The following BEGAIN variants were observed in gnomAD, a reference collection of about 807,000 sequenced individuals.
BEGAIN encodes brain enriched guanylate kinase associated.
A neutral mutation model predicts 35.8 loss-of-function variants in BEGAIN; 19 were observed. That is an observed-to-expected ratio of 0.53 (90% CI 0.37 to 0.78). The LOEUF (loss-of-function observed/expected upper bound fraction) is 0.78, where lower values mean the gene tolerates loss of function less well. Among genes scored for constraint, BEGAIN ranks in the 30% least tolerant of loss-of-function variants. The pLI is 0.00. For synonymous variants in BEGAIN, 462 were observed against 388.6 expected (o/e 1.19, Z -2.22); for missense variants, 795 against 853.6 (o/e 0.93, Z 0.85).
intron 1 of BEGAIN, among the ~76,000 whole-genome samples, chr14:100,585,455 TCCA>T (rs2035424618): frequency 7.1e-6 from 1 of 139,930 alleles, no homozygotes; most frequent in South Asian, 2.5e-4. Context: ...CATCCATCCA[TCCA>T]TTCATCCATC....
intron 2 of BEGAIN, among the ~76,000 whole-genome samples, chr14:100,554,175 G>A (rs1164559443): frequency 5.3e-5 from 8 of 152,284 alleles, no homozygotes; most frequent in Middle Eastern, 6.8e-3. Flanking sequence ...TGAGGACATG[G>A]GAGCCCGGAG....
At chr14:100,577,434 C>T (rs745977066) in intron 1 of BEGAIN, 13 of 399,386 alleles carry the variant, frequency 3.3e-5, no homozygotes, top group Non-Finnish European at 5.3e-5. Flanking sequence ...TGGCCGCCTC[C>T]GAAGAAAGCT....
In BEGAIN at chr14:100,546,822, A is replaced by ACC. The variant is rs1566965116; in HGVS notation, c.72-162_72-161dup. 6 of 551,598 alleles carry ACC rather than the reference A, an allele frequency of 1.1e-5. No homozygotes were observed. In the African/African-American group the frequency reaches 1.2e-4, roughly 11 times the overall value. 34.2% of individuals were successfully genotyped at this position (551,598 alleles called of 1,614,324 possible). ...CACACACACACACACACTCACACAC[A>ACC]CCCAGCCTCCCGGGCGTCACTGAAG... On this transcript the variant is annotated intron_variant, in intron 2 of 6. Coordinates refer to ENST00000554140, the MANE Select transcript of BEGAIN (RefSeq NM_001385089.1).
chr14:100,543,305 T>C (rs993825570), intron 5 of BEGAIN, among the ~76,000 whole-genome samples: 5 of 150,042 alleles, frequency 3.3e-5, no homozygotes, highest in Admixed American at 3.3e-4. Context: ...TTTTTTTTTT[T>C]GTTTTTTTTT....
At chr14:100,580,777 CA>C (rs1000758025) in intron 1 of BEGAIN, among the ~76,000 whole-genome samples, 5 of 152,216 alleles carry the variant, frequency 3.3e-5, no homozygotes, top group African/African-American at 1.2e-4. Context: ...GGGCCTGGCA[CA>C]TAGCAGGTGC....
chr14:100,537,566 G>GGCCCCAT lies in BEGAIN; in HGVS notation c.*402_*403insATGGGGC. On this transcript the variant is annotated 3_prime_UTR_variant, in exon 7 of 7. Coordinates refer to ENST00000554140, the MANE Select transcript of BEGAIN (RefSeq NM_001385089.1). ...TCCTTCCCTTCCCTTCCAAGGGGCA[G>GGCCCCAT]GCCCCACGCACCCTCGCCCAAAAAA... 5.7e-6 allele frequency: 1 copy of GGCCCCAT among 175,686 alleles called. No individual in the cohort carries two copies. The highest frequency in any genetic ancestry group is 5.8e-5 in the Admixed American group (1 of 17,162). The allele number at this position is 175,686 out of a possible 1,614,324, so 10.9% of individuals were successfully genotyped here. A position where few individuals can be genotyped will look rare whatever the true frequency, so the allele number is the denominator to read the frequency against.
At chr14:100,575,296 G>A (rs2139750806) in intron 1 of BEGAIN, among the ~76,000 whole-genome samples, 1 of 152,312 alleles carries the variant, frequency 6.6e-6, no homozygotes, top group Middle Eastern at 3.4e-3. Context: ...AGGAAGGTAC[G>A]AGGCACACAG....
intron 2 of BEGAIN, among the ~76,000 whole-genome samples, chr14:100,564,825 C>A (rs1192122065): frequency 6.6e-6 from 1 of 152,020 alleles, no homozygotes; most frequent in African/African-American, 2.4e-5. Flanking sequence ...ACAGAAGACA[C>A]CCCAGATGTC....
At chr14:100,545,430 G>T (rs932707381) in intron 3 of BEGAIN, 2 of 1,069,772 alleles carry the variant, frequency 1.9e-6, no homozygotes, top group Non-Finnish European at 2.3e-6. Context: ...GGGGTTGACA[G>T]TTCAAATGCA....
Position 100,586,280 on chromosome 14 carries a change from C to T in BEGAIN, c.42+969G>A, listed in dbSNP as rs1403987589. On this transcript the variant is annotated intron_variant, in intron 1 of 6. Transcript: ENST00000554140. The surrounding 1 kb of genome is among the most constrained non-coding windows in gnomAD (Gnocchi z 4.9). ...CCAGAGAGCCAGAGCACTGGGGCCTCCGACGGAGCCTGGCTGTGGAGACCC... is the reference window on the plus strand; with the variant it reads ...CCAGAGAGCCAGAGCACTGGGGCCTTCGACGGAGCCTGGCTGTGGAGACCC... Among the ~76,000 whole-genome samples, 2 of 152,208 alleles carry T rather than the reference C, an allele frequency of 1.3e-5. No homozygotes were observed. Among genetic ancestry groups the T allele is most frequent in the Non-Finnish European group, 2.9e-5 (2 of 68,028 alleles).
intron 2 of BEGAIN, chr14:100,549,680 G>A (rs1017837085): frequency 2.0e-5 from 3 of 152,308 alleles, no homozygotes; most frequent in African/African-American, 7.2e-5. Context: ...CAGGGCTGTT[G>A]CTGGTCCACA....
chr14:100,552,515 C>T (rs923106866), intron 2 of BEGAIN, among the ~76,000 whole-genome samples: 34 of 152,230 alleles, frequency 2.2e-4, no homozygotes, highest in African/African-American at 7.5e-4. Context: ...TGGGCCCTGC[C>T]GGGGCTGCCG....
intron 2 of BEGAIN, among the ~76,000 whole-genome samples, chr14:100,555,357 C>G (rs896344890): frequency 6.6e-6 from 1 of 152,254 alleles, no homozygotes; most frequent in East Asian, 1.9e-4. Flanking sequence ...TGGCCACCCT[C>G]GTTCCTCATG....
chr14:100,544,894 C>A, intron 4 of BEGAIN, 106 bp downstream of exon 4: 2 of 1,128,498 alleles, frequency 1.8e-6, no homozygotes, highest in South Asian at 1.3e-5. Flanking sequence ...GTGGGACCAG[C>A]AAGACCTGTG....
rs1430055128 is a variant in BEGAIN at position 100,537,531 on chromosome 14, C to G, written c.*438G>C. The G allele has an allele frequency of 1.8e-5, 3 of 163,460 alleles. No homozygotes were observed. In the East Asian group the frequency reaches 5.4e-4, roughly 29 times the overall value. 10.1% of individuals were successfully genotyped at this position (163,460 alleles called of 1,614,324 possible). A position where few individuals can be genotyped will look rare whatever the true frequency, so the allele number is the denominator to read the frequency against. On this transcript the variant is annotated 3_prime_UTR_variant, in exon 7 of 7. Transcript: ENST00000554140. Reference sequence around the variant, plus strand: ...CCCCACTTGCAGAGTCTGGTCTCCACAGGACACCGTCCTTCCCTTCCCTTC... The same window carrying G: ...CCCCACTTGCAGAGTCTGGTCTCCAGAGGACACCGTCCTTCCCTTCCCTTC...
rs778052050 is a variant in BEGAIN, at chr14:100,538,953, C to T, written c.855G>A (p.Ala285=). 7 of 1,609,014 alleles carry T rather than the reference C, an allele frequency of 4.4e-6. No homozygotes were observed. The highest frequency in any genetic ancestry group is 4.0e-5 in the African/African-American group (3 of 74,818). Residue 285 remains alanine, a synonymous_variant, in exon 7 of 7, where the codon GCG becomes GCA. Transcript: ENST00000554140. ...CCTCGGCCTCCTCCTCCTCCTCGGCCGCGCTGTCAGTGGAGTTCTGGGCCC... is the reference window on the plus strand; with the variant it reads ...CCTCGGCCTCCTCCTCCTCCTCGGCTGCGCTGTCAGTGGAGTTCTGGGCCC... ...FLRAQNSTDS[A]AEEEEEAEAA...
At chr14:100,557,850 C>T (rs1036408259) in intron 2 of BEGAIN, among the ~76,000 whole-genome samples, 7 of 152,176 alleles carry the variant, frequency 4.6e-5, no homozygotes, top group African/African-American at 1.7e-4. Flanking sequence ...CAGATGACCT[C>T]GCTTCCTTTT....
Position 100,538,075 on chromosome 14 carries a change from G to A in BEGAIN, c.1733C>T (p.Ala578Val). Residue 578 changes from alanine to valine, a missense_variant, in exon 7 of 7, where the codon GCC becomes GTC. Around this residue, in one of 3 missense-constraint regions of BEGAIN, gnomAD observed 664 missense variants for 647.7 expected, o/e 1.03. Coordinates refer to ENST00000554140, the MANE Select transcript of BEGAIN (RefSeq NM_001385089.1). ...SMEASPEMHP[A>V]ARLSPQQAFP... is the part of the protein sequence containing the mutation. Reference sequence around the variant, plus strand: ...GGCCTGCTGGGGGCTGAGGCGGGCGGCAGGATGCATTTCCGGGGAGGCCTC... The same window carrying A: ...GGCCTGCTGGGGGCTGAGGCGGGCGACAGGATGCATTTCCGGGGAGGCCTC... 6.3e-7 allele frequency: 1 copy of A among 1,593,568 alleles called. No individual in the cohort carries two copies. The highest frequency in any genetic ancestry group is 8.5e-7 in the Non-Finnish European group (1 of 1,171,786).
intron 1 of BEGAIN, among the ~76,000 whole-genome samples, chr14:100,571,071 G>A (rs1276505534): frequency 1.3e-5 from 2 of 152,096 alleles, no homozygotes; most frequent in Non-Finnish European, 2.9e-5. Flanking sequence ...GGGTGCCCTC[G>A]GGGGACAGTC....
Sources: gnomAD v4.1 joint callset for allele counts (sites outside exome capture counted in the v4.1 genomes callset) on GRCh38, gnomAD v4.1.1 for gene constraint, gnomAD v4.1.1 regional missense constraint, Gnocchi (gnomAD v3.1) non-coding constraint, MANE v1.5 for transcripts, NCBI Gene and HGNC (gene_info 2026-07-23, HGNC 2026-07-21) for gene names.